Variants in AGBL4 observed in about 807,000 individuals in gnomAD.
AGBL4 encodes the protein AGBL carboxypeptidase 4.
In AGBL4, 58 loss-of-function variants were observed where a neutral mutation model predicts 66.4. The ratio of observed to expected loss-of-function variants is 0.87; its 90% CI spans 0.71 to 1.09. The LOEUF (loss-of-function observed/expected upper bound fraction) is 1.09. Ranked by LOEUF, AGBL4 falls within the 50% of genes least tolerant of loss-of-function variation. The pLI, the probability that AGBL4 is intolerant of heterozygous loss-of-function variation, is 0.00. For missense variants in AGBL4, 579 were observed against 631.0 expected (o/e 0.92, Z 0.88); for synonymous variants, 234 against 222.9 (o/e 1.05, Z -0.44).
Position 50,023,847 on chromosome 1 carries a change from G to A in AGBL4, c.-51C>T. 1 of 1,536,408 alleles carries A rather than the reference G, an allele frequency of 6.5e-7. No homozygotes were observed. Among genetic ancestry groups the A allele is most frequent in the Non-Finnish European group, 8.8e-7 (1 of 1,139,840 alleles). On this transcript the variant is annotated 5_prime_UTR_variant, in exon 1 of 14. Coordinates refer to ENST00000371839, the MANE Select transcript of AGBL4 (RefSeq NM_032785.4). Reference sequence around the variant, plus strand: ...TCACGCGAAGACCGCGGGGCAGTAGGGAGCGGGTGGTGGGATCAGTGGGCT... The same window carrying A: ...TCACGCGAAGACCGCGGGGCAGTAGAGAGCGGGTGGTGGGATCAGTGGGCT...
At chr1:49,014,616 A>T (rs141915743) in intron 5 of AGBL4, among the ~76,000 whole-genome samples, 281 of 152,162 alleles carry the variant, frequency 1.8e-3, no homozygotes, top group Middle Eastern at 3.4e-3. Flanking sequence ...CAGCCTCTTC[A>T]TATTATTTTT....
intron 3 of AGBL4, among the ~76,000 whole-genome samples, chr1:49,256,053 G>C (rs943860775): frequency 2.0e-5 from 3 of 152,026 alleles, no homozygotes; most frequent in Non-Finnish European, 4.4e-5. Context: ...TAACTAATGG[G>C]TACTAGGCTT....
At chr1:49,488,388 AT>A (rs935119738) in intron 3 of AGBL4, among the ~76,000 whole-genome samples, 1 of 151,194 alleles carries the variant, frequency 6.6e-6, no homozygotes, top group Non-Finnish European at 1.5e-5. Context: ...TTTCTCTTGA[AT>A]TTTTTTATTA....
intron 3 of AGBL4, among the ~76,000 whole-genome samples, chr1:49,659,530 C>G (rs1246126419): frequency 6.6e-6 from 1 of 152,060 alleles, no homozygotes; most frequent in African/African-American, 2.4e-5. Context: ...TTTAAACCAA[C>G]AAACATCAAA....
chr1:49,413,576 CG>C (rs1486770005), intron 3 of AGBL4, among the ~76,000 whole-genome samples: 1 of 152,128 alleles, frequency 6.6e-6, no homozygotes, highest in South Asian at 2.1e-4. Context: ...GAGCTCTTTG[CG>C]GTCTTGACCT....
chr1:49,129,081 T>C (rs1027062732), intron 4 of AGBL4, among the ~76,000 whole-genome samples: 2 of 151,824 alleles, frequency 1.3e-5, no homozygotes, highest in Non-Finnish European at 2.9e-5. Context: ...CACAAACAAA[T>C]GGACAAAAAG....
intron 6 of AGBL4, among the ~76,000 whole-genome samples, chr1:48,747,570 T>C (rs528731614): frequency 2.0e-5 from 3 of 152,216 alleles, no homozygotes; most frequent in Non-Finnish European, 2.9e-5. Flanking sequence ...ATTTAACGGA[T>C]AAGCAATAGA....
In AGBL4 at chr1:49,499,720, C is replaced by CATATAT. The variant is rs151053487; in HGVS notation, c.282+197587_282+197592dup. Among the ~76,000 whole-genome samples, 246 of 145,394 alleles carry CATATAT rather than the reference C, an allele frequency of 1.7e-3. 1 individual carries two copies. The highest frequency in any genetic ancestry group is 5.3e-3 in the African/African-American group (212 of 39,734). On this transcript the variant is annotated intron_variant, in intron 3 of 13. Coordinates refer to ENST00000371839, the MANE Select transcript of AGBL4 (RefSeq NM_032785.4). ...TTCCTTTTCATGGCTGAATGGTATT[C>CATATAT]ATATATATATATATATATATACACA...
chr1:48,948,917 A>G (rs1447531856), intron 5 of AGBL4, among the ~76,000 whole-genome samples: 4 of 152,152 alleles, frequency 2.6e-5, no homozygotes, highest in Non-Finnish European at 5.9e-5. Context: ...ATAAAAAGGG[A>G]GGCTTGAATA....
chr1:49,339,839 A>T (rs973934966), intron 3 of AGBL4, among the ~76,000 whole-genome samples: 1 of 152,030 alleles, frequency 6.6e-6, no homozygotes, highest in African/African-American at 2.4e-5. Context: ...ATGTATCCTC[A>T]CTCCCTCACT....
chr1:48,829,717 G>GAA (rs922833890), intron 6 of AGBL4, among the ~76,000 whole-genome samples: 9 of 145,070 alleles, frequency 6.2e-5, no homozygotes, highest in African/African-American at 5.0e-5. Context: ...TGGAAAGCAG[G>GAA]AAAAAAAAAA....
At chr1:48,778,330 C>T (rs963243637) in intron 6 of AGBL4, among the ~76,000 whole-genome samples, 1 of 152,108 alleles carries the variant, frequency 6.6e-6, no homozygotes, top group Non-Finnish European at 1.5e-5. Context: ...GTCAGTGTAC[C>T]AGAACTTGAA....
At chr1:49,355,353 T>C (rs1208195565) in intron 3 of AGBL4, among the ~76,000 whole-genome samples, 5 of 152,138 alleles carry the variant, frequency 3.3e-5, no homozygotes, top group African/African-American at 1.2e-4. Flanking sequence ...GCGTCATCCT[T>C]AATTACTCTC....
At chr1:49,169,907 C>A (rs1445394632) in intron 4 of AGBL4, among the ~76,000 whole-genome samples, 4 of 152,032 alleles carry the variant, frequency 2.6e-5, no homozygotes, top group African/African-American at 9.7e-5. Context: ...ATATTTTTCT[C>A]ACTTATAAGT....
chr1:49,221,751 GA>G (rs141244260), intron 4 of AGBL4, among the ~76,000 whole-genome samples: 2,306 of 152,022 alleles, frequency 0.015, 62 homozygotes, highest in African/African-American at 0.053. Context: ...CTTTTGTCCT[GA>G]AAAGTTGATA....
chr1:49,630,022 C>T (rs1261871940), intron 3 of AGBL4, among the ~76,000 whole-genome samples: 2 of 152,096 alleles, frequency 1.3e-5, no homozygotes, highest in African/African-American at 2.4e-5. Context: ...AAAGTCAAGC[C>T]CCCTTTGATG....
At chr1:49,533,273 G>T (rs1270674553) in intron 3 of AGBL4, among the ~76,000 whole-genome samples, 1 of 152,106 alleles carries the variant, frequency 6.6e-6, no homozygotes, top group Non-Finnish European at 1.5e-5. Flanking sequence ...TATGCCCTCT[G>T]ACTCTGCGCT....
At position 48,572,578 on chromosome 1, in the gene AGBL4, TAGAA is replaced by T. The variant is rs983235159; in HGVS notation, c.1267+14422_1267+14425del. ...TGTGTGTGGGAGAGAGAGAGTCAAATAGAAAGACAAAAAGACAAAAATGAAAACA... is the reference window on the plus strand; with the variant it reads ...TGTGTGTGGGAGAGAGAGAGTCAAATAGACAAAAAGACAAAAATGAAAACA... On this transcript the variant is annotated intron_variant, in intron 11 of 13. Coordinates refer to ENST00000371839, the MANE Select transcript of AGBL4 (RefSeq NM_032785.4). 3.5e-4 allele frequency among the ~76,000 whole-genome samples: 53 copies of T among 150,496 alleles called. 1 individual carries two copies. Among genetic ancestry groups the T allele is most frequent in the Middle Eastern group, 6.8e-3 (2 of 294 alleles).
intron 3 of AGBL4, among the ~76,000 whole-genome samples, chr1:49,444,433 G>T (rs999884980): frequency 6.6e-6 from 1 of 152,002 alleles, no homozygotes; most frequent in African/African-American, 2.4e-5. Context: ...AGCAATATTT[G>T]CTTTATGAAC....
Sources: allele counts gnomAD v4.1 joint callset (sites outside exome capture counted in the v4.1 genomes callset), GRCh38; gene constraint gnomAD v4.1.1; transcripts MANE v1.5; gene names NCBI Gene and HGNC (gene_info 2026-07-23, HGNC 2026-07-21).